The following PTPRG variants were observed in gnomAD, a reference collection of about 807,000 sequenced individuals.
The protein encoded by PTPRG is receptor-type tyrosine-protein phosphatase gamma.
Under a neutral mutation model 165.3 loss-of-function variants are expected in PTPRG, and 102 were observed. The observed-to-expected ratio is 0.62, with a 90% confidence interval of 0.53 to 0.73. The LOEUF (loss-of-function observed/expected upper bound fraction) is 0.73. PTPRG is among the 30% of genes least tolerant of loss of function. The pLI is 0.00. For missense variants in PTPRG, 1,866 were observed against 1,861.4 expected, an observed-to-expected ratio of 1.00 and a Z score of -0.05; for synonymous variants, 675 against 669.5, an observed-to-expected ratio of 1.01 and a Z score of -0.13.
At chr3:61,819,236 A>C (rs1190729258) in intron 2 of PTPRG, among the ~76,000 whole-genome samples, 2 of 152,200 alleles carry the variant, frequency 1.3e-5, no homozygotes, top group African/African-American at 4.8e-5. Flanking sequence ...TATGATTGTG[A>C]GTGTGCCAGA....
intron 1 of PTPRG, among the ~76,000 whole-genome samples, chr3:61,667,438 C>A (rs66528462): frequency 0.18 from 28,070 of 152,032 alleles, 2,835 homozygotes; most frequent in African/African-American, 0.26. Flanking sequence ...CTAGATAATG[C>A]CATTAATTAG....
chr3:62,111,630 G>C (rs1702669134), intron 5 of PTPRG, among the ~76,000 whole-genome samples: 1 of 152,046 alleles, frequency 6.6e-6, no homozygotes, highest in African/African-American at 2.4e-5. Context: ...CAAATTTTTA[G>C]TAGGAACAGG....
intron 1 of PTPRG, among the ~76,000 whole-genome samples, chr3:61,569,844 A>T (rs1249632040): frequency 6.6e-6 from 1 of 152,174 alleles, no homozygotes; most frequent in Non-Finnish European, 1.5e-5. Flanking sequence ...GGTTTAAATA[A>T]ATGAGAAAGT....
chr3:61,666,175 C>T (rs990369700), intron 1 of PTPRG, among the ~76,000 whole-genome samples: 5 of 152,166 alleles, frequency 3.3e-5, no homozygotes, highest in African/African-American at 1.2e-4. Context: ...CGATAAAAAC[C>T]TCTGTTCCTC....
At chr3:61,931,587 G>T (rs1051781518) in intron 2 of PTPRG, among the ~76,000 whole-genome samples, 2 of 152,110 alleles carry the variant, frequency 1.3e-5, no homozygotes, top group Non-Finnish European at 2.9e-5. Flanking sequence ...TCAAGACCCC[G>T]TGTCCTCTTA....
At chr3:62,265,361 G>T (rs945570942) in intron 17 of PTPRG, among the ~76,000 whole-genome samples, 1 of 152,010 alleles carries the variant, frequency 6.6e-6, no homozygotes. Flanking sequence ...TTATTCCTAA[G>T]TATTTTATTC....
chr3:61,764,382 T>C (rs1294023414), intron 2 of PTPRG, among the ~76,000 whole-genome samples: 15 of 152,164 alleles, frequency 9.9e-5, no homozygotes, highest in Admixed American at 9.2e-4. Context: ...GGTGGCAAAC[T>C]CAGTTCGAGA....
intron 2 of PTPRG, among the ~76,000 whole-genome samples, chr3:61,881,210 T>C (rs1300169706): frequency 1.3e-5 from 2 of 152,208 alleles, no homozygotes; most frequent in South Asian, 2.1e-4. Context: ...TCTTTCCCGA[T>C]AGATTGTAAG....
At chr3:61,923,414 A>G (rs973507791) in intron 2 of PTPRG, among the ~76,000 whole-genome samples, 1 of 151,476 alleles carries the variant, frequency 6.6e-6, no homozygotes, top group Non-Finnish European at 1.5e-5. Context: ...TTTTATTTTT[A>G]TTATTATTAT....
At chr3:61,780,364 C>T (rs2034510424) in intron 2 of PTPRG, among the ~76,000 whole-genome samples, 1 of 152,112 alleles carries the variant, frequency 6.6e-6, no homozygotes, top group South Asian at 2.1e-4. Context: ...TACAAGAATG[C>T]TTAATGAAGC....
At chr3:61,773,030 A>G (rs2107034038) in intron 2 of PTPRG, among the ~76,000 whole-genome samples, 1 of 152,378 alleles carries the variant, frequency 6.6e-6, no homozygotes, top group Non-Finnish European at 1.5e-5. Context: ...AAAGCAAGAA[A>G]GACAAGATAA....
intron 2 of PTPRG, among the ~76,000 whole-genome samples, chr3:61,951,326 G>A (rs977046175): frequency 5.3e-5 from 8 of 152,172 alleles, no homozygotes; most frequent in Admixed American, 2.6e-4. Context: ...TTCTTGAACT[G>A]TAGCTTTTAA....
chr3:61,959,417 T>C (rs2040101258), intron 2 of PTPRG, among the ~76,000 whole-genome samples: 3 of 152,312 alleles, frequency 2.0e-5, no homozygotes, highest in Admixed American at 2.0e-4. Flanking sequence ...GATGAAACTG[T>C]TCCACCTCAG....
At chr3:61,953,492 C>T (rs1313096007) in intron 2 of PTPRG, among the ~76,000 whole-genome samples, 2 of 152,174 alleles carry the variant, frequency 1.3e-5, no homozygotes, top group Admixed American at 6.5e-5. Context: ...TGCCGGGCAG[C>T]ACTTCTAAAG....
At chr3:61,724,217 C>CAGAAAAA (rs2032164754) in intron 1 of PTPRG, among the ~76,000 whole-genome samples, 1 of 128,758 alleles carries the variant, frequency 7.8e-6, no homozygotes. Flanking sequence ...CTCCCATCTC[C>CAGAAAAA]AAAAAAAAAA....
At chr3:61,850,332 T>A (rs1246690009) in intron 2 of PTPRG, among the ~76,000 whole-genome samples, 1 of 151,954 alleles carries the variant, frequency 6.6e-6, no homozygotes, top group South Asian at 2.1e-4. Context: ...CCCAGCTGAT[T>A]TTTGTATTTT....
At chr3:61,742,860 G>A in intron 1 of PTPRG, 1 of 1,567,400 alleles carries the variant, frequency 6.4e-7, no homozygotes, top group Admixed American at 1.7e-5. Context: ...TGTCCATGTG[G>A]GGGATATCCA....
intron 2 of PTPRG, among the ~76,000 whole-genome samples, chr3:61,939,311 TC>T (rs1391637098): frequency 1.3e-5 from 2 of 152,136 alleles, no homozygotes; most frequent in Non-Finnish European, 2.9e-5. Flanking sequence ...TCAAACAAGC[TC>T]CTTGCCTCCC....
chr3:61,708,894 C>A (rs775328488), intron 1 of PTPRG, among the ~76,000 whole-genome samples: 1 of 152,232 alleles, frequency 6.6e-6, no homozygotes, highest in Non-Finnish European at 1.5e-5. Context: ...CAGGGGCGCA[C>A]TTGCCCTAAA....
Sources: allele counts gnomAD v4.1 joint callset (sites outside exome capture counted in the v4.1 genomes callset), GRCh38; gene constraint gnomAD v4.1.1; transcripts MANE v1.5; gene names NCBI Gene and HGNC (gene_info 2026-07-23, HGNC 2026-07-21).